The following PLAA variants were observed in gnomAD, a reference collection of about 807,000 sequenced individuals.
The protein encoded by PLAA is phospholipase A2 activating protein.
Under a neutral mutation model 84.1 loss-of-function variants are expected in PLAA, and 48 were observed. The ratio of observed to expected loss-of-function variants is 0.57; its 90% CI spans 0.45 to 0.73. The LOEUF (loss-of-function observed/expected upper bound fraction) is 0.73, where lower values mean the gene tolerates loss of function less well. PLAA is among the 30% of genes least tolerant of loss of function. The probability of loss-of-function intolerance (pLI) is 0.00; values close to 1 mark genes in which losing one functional copy is unlikely to be tolerated. For missense variants in PLAA, 903 were observed against 954.7 expected, an observed-to-expected ratio of 0.95 and a Z score of 0.71; for synonymous variants, 392 against 336.6, an observed-to-expected ratio of 1.16 and a Z score of -1.80.
At chr9:26,911,080 C>T (rs1168271507) in intron 11 of PLAA, among the ~76,000 whole-genome samples, 2 of 151,634 alleles carry the variant, frequency 1.3e-5, no homozygotes, top group African/African-American at 4.9e-5. Flanking sequence ...TATTAAGTTC[C>T]AGGGTACATG....
chr9:26,922,573 T>G (rs1031135154), intron 7 of PLAA, among the ~76,000 whole-genome samples: 2 of 152,156 alleles, frequency 1.3e-5, no homozygotes, highest in Non-Finnish European at 2.9e-5. Context: ...AAGAGATACA[T>G]CCAACCCAAG....
At chr9:26,915,264 T>C (rs938579402) in intron 10 of PLAA, among the ~76,000 whole-genome samples, 2 of 152,076 alleles carry the variant, frequency 1.3e-5, no homozygotes, top group African/African-American at 4.8e-5. Context: ...TTTATTTAAT[T>C]AGAATCCTTG....
At chr9:26,919,197 CTGTAGATATTGG>C in intron 9 of PLAA, 101 bp downstream of exon 9, 1 of 590,840 alleles carries the variant, frequency 1.7e-6, no homozygotes, top group South Asian at 2.5e-5. Flanking sequence ...TAAAACCCTG[CTGTAGATATTGG>C]TATTTATTGA....
Position 26,910,313 on chromosome 9 carries a change from G to A in PLAA, c.1657+25C>T, listed in dbSNP as rs181471240. The A allele has an allele frequency of 3.4e-4, 511 of 1,523,490 alleles. 3 individuals are homozygous for A. The African/African-American group carries it at 3.8e-3, about 11-fold the overall frequency. The allele number at this position is 1,523,490 out of a possible 1,614,324, so 94.4% of individuals were successfully genotyped here. A position where few individuals can be genotyped will look rare whatever the true frequency, so the allele number is the denominator to read the frequency against. ...CATCTCAAACAGTCTGTGAATATGT[G>A]AATAAATTAATTAAAGAAACTTACC... On this transcript the variant is annotated intron_variant, in intron 12 of 13. Coordinates refer to ENST00000397292, the MANE Select transcript of PLAA (RefSeq NM_001031689.3).
At chr9:26,937,806 T>A (rs1825409579) in intron 1 of PLAA, among the ~76,000 whole-genome samples, 1 of 149,018 alleles carries the variant, frequency 6.7e-6, no homozygotes, top group Non-Finnish European at 1.5e-5. Context: ...CAAGAAGAAA[T>A]AATTAGCAAA....
chr9:26,925,247 T>C (rs1824903955), intron 6 of PLAA, among the ~76,000 whole-genome samples: 1 of 152,190 alleles, frequency 6.6e-6, no homozygotes, highest in Admixed American at 6.5e-5. Flanking sequence ...AAGTTCTGCT[T>C]CAATCCTATT....
chr9:26,943,979 C>T (rs1405870391), intron 1 of PLAA, among the ~76,000 whole-genome samples: 2 of 152,068 alleles, frequency 1.3e-5, no homozygotes, highest in Non-Finnish European at 2.9e-5. Context: ...CACAAATATT[C>T]TATTATGGCC....
chr9:26,922,113 GTTC>G (rs1285082049), intron 7 of PLAA, among the ~76,000 whole-genome samples: 1 of 152,138 alleles, frequency 6.6e-6, no homozygotes, highest in Non-Finnish European at 1.5e-5. Context: ...GACTGCGCAT[GTTC>G]TTTTCTTTGA....
intron 5 of PLAA, 112 bp downstream of exon 5, chr9:26,926,281 T>C: frequency 1.4e-6 from 1 of 696,982 alleles, no homozygotes; most frequent in Non-Finnish European, 2.4e-6. Context: ...TACTAAATTA[T>C]TCAAGTCATA....
chr9:26,939,069 T>C (rs1424581315), intron 1 of PLAA, among the ~76,000 whole-genome samples: 1 of 152,086 alleles, frequency 6.6e-6, no homozygotes, highest in Non-Finnish European at 1.5e-5. Context: ...GAATATACAC[T>C]AAGGAAATGG....
chr9:26,940,718 G>C (rs927458017), intron 1 of PLAA, among the ~76,000 whole-genome samples: 1 of 152,176 alleles, frequency 6.6e-6, no homozygotes, highest in Non-Finnish European at 1.5e-5. Flanking sequence ...ACCTCCAGAG[G>C]TGAGGACAAA....
At chr9:26,932,486 T>C (rs183991793) in intron 2 of PLAA, among the ~76,000 whole-genome samples, 23 of 152,394 alleles carry the variant, frequency 1.5e-4, no homozygotes, top group Admixed American at 1.4e-3. Context: ...TGCTCATTCA[T>C]TTATTTACTG....
At chr9:26,916,495 C>A (rs74341520) in intron 10 of PLAA, 2 of 986,786 alleles carry the variant, frequency 2.0e-6, no homozygotes, top group Admixed American at 1.2e-4. Context: ...TCAAGAAGGA[C>A]ATTAATAACT....
chr9:26,942,657 C>A (rs1226467215), intron 1 of PLAA, among the ~76,000 whole-genome samples: 2 of 152,026 alleles, frequency 1.3e-5, no homozygotes, highest in African/African-American at 2.4e-5. Flanking sequence ...CCAAGGCGGG[C>A]GGATCACGAG....
intron 1 of PLAA, among the ~76,000 whole-genome samples, chr9:26,939,797 A>G (rs1159887466): frequency 6.6e-6 from 1 of 152,112 alleles, no homozygotes; most frequent in Non-Finnish European, 1.5e-5. Context: ...AAAGAAAACA[A>G]GAGACAAAGA....
intron 1 of PLAA, among the ~76,000 whole-genome samples, chr9:26,945,875 G>C (rs1021561211): frequency 1.2e-4 from 18 of 152,208 alleles, no homozygotes; most frequent in South Asian, 4.1e-4. Context: ...CAACTCCTCA[G>C]AGAGGCTTCC....
At chr9:26,915,848 A>T (rs1824535253) in intron 10 of PLAA, 1 of 985,388 alleles carries the variant, frequency 1.0e-6, no homozygotes, top group Non-Finnish European at 1.2e-6. Flanking sequence ...TTTCTGTTCC[A>T]GAAAAAAAGC....
chr9:26,910,521 C>A, intron 11 of PLAA, 82 bp from the exon 12 acceptor site: 3 of 1,039,640 alleles, frequency 2.9e-6, no homozygotes, highest in Non-Finnish European at 4.4e-6. Context: ...TTAGTTTTCA[C>A]AATTATTGAG....
At chr9:26,939,459 G>A (rs1825458082) in intron 1 of PLAA, among the ~76,000 whole-genome samples, 1 of 113,048 alleles carries the variant, frequency 8.8e-6, no homozygotes, top group South Asian at 3.1e-4. Flanking sequence ...CACAAAAGAA[G>A]ACAGTAATGC....
Sources: gnomAD v4.1 joint callset for allele counts (sites outside exome capture counted in the v4.1 genomes callset) on GRCh38, gnomAD v4.1.1 for gene constraint, MANE v1.5 for transcripts, NCBI Gene and HGNC (gene_info 2026-07-23, HGNC 2026-07-21) for gene names.